Variants in FARSB observed in about 807,000 individuals in gnomAD.
FARSB encodes phenylalanyl-tRNA synthetase subunit beta, also known as phenylalanine--tRNA ligase beta subunit.
Under a neutral mutation model 69.6 loss-of-function variants are expected in FARSB, and 40 were observed. The ratio of observed to expected loss-of-function variants is 0.57; its 90% CI spans 0.45 to 0.75. FARSB has a LOEUF of 0.75. Among genes scored for constraint, FARSB ranks in the 30% least tolerant of loss-of-function variants. The probability of loss-of-function intolerance (pLI) is 0.00; values close to 1 mark genes in which losing one functional copy is unlikely to be tolerated. For missense variants in FARSB, 632 were observed against 722.9 expected, an observed-to-expected ratio of 0.87 and a Z score of 1.44; for synonymous variants, 235 against 247.2, an observed-to-expected ratio of 0.95 and a Z score of 0.46.
chr2:222,651,889 G>T (rs1692046842), intron 1 of FARSB, among the ~76,000 whole-genome samples: 1 of 152,194 alleles, frequency 6.6e-6, no homozygotes, highest in Non-Finnish European at 1.5e-5. Context: ...CACTCAGAGG[G>T]GTGGAAACCA....
Position 222,648,027 on chromosome 2 carries a change from T to C in FARSB, c.114+713A>G, listed in dbSNP as rs537268581. Among the ~76,000 whole-genome samples the C allele has an allele frequency of 2.0e-5, 3 of 152,298 alleles. No homozygotes were observed. The South Asian group carries it at 6.2e-4, about 32-fold the overall frequency. On this transcript the variant is annotated intron_variant, in intron 2 of 16. Transcript: ENST00000281828. ...CTGCGGACTGTACTTTGTGAACTTA[T>C]GCTGGAGCAGATGGATCAGAAACCC...
chr2:222,622,922 A>T (rs1288967564), intron 13 of FARSB, among the ~76,000 whole-genome samples: 1 of 152,198 alleles, frequency 6.6e-6, no homozygotes, highest in Non-Finnish European at 1.5e-5. Flanking sequence ...AGCAAACTAG[A>T]AGTAGAGTCC....
intron 16 of FARSB, among the ~76,000 whole-genome samples, chr2:222,592,676 C>A (rs1690305902): frequency 6.7e-6 from 1 of 149,448 alleles, no homozygotes; most frequent in Admixed American, 6.8e-5. Context: ...AGGCCAAGAT[C>A]TAGTATGGAT....
chr2:222,591,642 T>C (rs1427431323), intron 16 of FARSB, among the ~76,000 whole-genome samples: 1 of 152,246 alleles, frequency 6.6e-6, no homozygotes, highest in South Asian at 2.1e-4. Flanking sequence ...CTTCAAACTT[T>C]TGTAAGACAG....
chr2:222,647,646 T>G (rs1203310216), intron 2 of FARSB, among the ~76,000 whole-genome samples: 1 of 152,180 alleles, frequency 6.6e-6, no homozygotes, highest in African/African-American at 2.4e-5. Context: ...CTTCCTGTAA[T>G]CCCAGCTACT....
At chr2:222,603,195 G>GA (rs1413678338) in intron 15 of FARSB, among the ~76,000 whole-genome samples, 3 of 152,004 alleles carry the variant, frequency 2.0e-5, no homozygotes, top group Non-Finnish European at 4.4e-5. Flanking sequence ...ATTAAAAAGA[G>GA]AAAAAACAAA....
chr2:222,576,705 G>A (rs949075393), intron 16 of FARSB, among the ~76,000 whole-genome samples: 5 of 152,174 alleles, frequency 3.3e-5, no homozygotes, highest in African/African-American at 1.2e-4. Flanking sequence ...CCATACTGGG[G>A]TGAAATTGAC....
intron 15 of FARSB, among the ~76,000 whole-genome samples, chr2:222,607,993 C>T (rs534782614): frequency 7.9e-5 from 12 of 151,874 alleles, no homozygotes; most frequent in Non-Finnish European, 1.8e-4. Context: ...CAATGCATGA[C>T]AGGACACATT....
At chr2:222,600,179 G>GA (rs774541022) in intron 15 of FARSB, 96 bp from the exon 16 acceptor site, 19 of 991,728 alleles carry the variant, frequency 1.9e-5, no homozygotes, top group African/African-American at 5.1e-5. Flanking sequence ...CAACAAAAAA[G>GA]AAAACCAAAT....
chr2:222,641,187 G>A (rs1187629847), intron 3 of FARSB, among the ~76,000 whole-genome samples: 1 of 152,012 alleles, frequency 6.6e-6, no homozygotes, highest in Non-Finnish European at 1.5e-5. Flanking sequence ...CATCCCAGCA[G>A]AGGCTACAAA....
intron 2 of FARSB, among the ~76,000 whole-genome samples, chr2:222,644,282 C>T (rs1015444750): frequency 2.6e-5 from 4 of 152,080 alleles, no homozygotes; most frequent in Non-Finnish European, 5.9e-5. Context: ...TGGGGCTGTA[C>T]AAGGTGGTGC....
chr2:222,630,372 G>A (rs1691388663), intron 8 of FARSB, among the ~76,000 whole-genome samples, 198 bp from the exon 9 acceptor site: 1 of 152,154 alleles, frequency 6.6e-6, no homozygotes, highest in Admixed American at 6.5e-5. Flanking sequence ...GCAGTTCTCT[G>A]ACAGTTATAA....
chr2:222,628,422 T>C (rs918552097), intron 10 of FARSB, among the ~76,000 whole-genome samples: 6 of 152,176 alleles, frequency 3.9e-5, no homozygotes, highest in Non-Finnish European at 8.8e-5. Context: ...CCCATAAATA[T>C]GTACAATTAT....
At chr2:222,572,694 T>A (rs886742660) in intron 16 of FARSB, among the ~76,000 whole-genome samples, 9 of 152,176 alleles carry the variant, frequency 5.9e-5, no homozygotes, top group African/African-American at 2.2e-4. Context: ...CAAGTCTGGG[T>A]TGATGCCTCA....
chr2:222,609,755 A>G (rs775432893), intron 15 of FARSB, among the ~76,000 whole-genome samples: 3 of 152,186 alleles, frequency 2.0e-5, no homozygotes, highest in Non-Finnish European at 4.4e-5. Context: ...TGGTCAGTCA[A>G]AAAAGTCTAC....
chr2:222,627,074 T>C (rs1691296461), intron 10 of FARSB, among the ~76,000 whole-genome samples: 1 of 152,132 alleles, frequency 6.6e-6, no homozygotes, highest in African/African-American at 2.4e-5. Flanking sequence ...GAAACTTTTC[T>C]CTGGCATTAT....
At chr2:222,633,050 A>C in intron 7 of FARSB, 149 bp downstream of exon 7, 1 of 593,182 alleles carries the variant, frequency 1.7e-6, no homozygotes, top group Non-Finnish European at 3.0e-6. Flanking sequence ...AAATGAATGA[A>C]AAGAATGATT....
At chr2:222,578,689 A>C (rs1689894335) in intron 16 of FARSB, among the ~76,000 whole-genome samples, 1 of 151,634 alleles carries the variant, frequency 6.6e-6, no homozygotes. Context: ...ATACAAAAAA[A>C]TTAGCTGGGG....
chr2:222,583,259 A>C (rs1384629840), intron 16 of FARSB, among the ~76,000 whole-genome samples: 1 of 152,242 alleles, frequency 6.6e-6, no homozygotes, highest in Non-Finnish European at 1.5e-5. Context: ...GATTAGAAAC[A>C]GTATATTTAC....
Sources: gnomAD v4.1 joint callset for allele counts (sites outside exome capture counted in the v4.1 genomes callset) on GRCh38, gnomAD v4.1.1 for gene constraint, MANE v1.5 for transcripts, NCBI Gene and HGNC (gene_info 2026-07-23, HGNC 2026-07-21) for gene names.